The following SPTSSA variants were observed in gnomAD, a reference collection of about 807,000 sequenced individuals.
SPTSSA encodes the protein serine palmitoyltransferase small subunit A.
Under a neutral mutation model 9.1 loss-of-function variants are expected in SPTSSA, and 8 were observed. The ratio of observed to expected loss-of-function variants is 0.88; its 90% CI spans 0.51 to 1.58. The LOEUF (loss-of-function observed/expected upper bound fraction) is 1.58, where lower values mean the gene tolerates loss of function less well. Among genes scored for constraint, SPTSSA ranks in the 40% most tolerant of loss-of-function variants. The pLI, the probability that SPTSSA is intolerant of heterozygous loss-of-function variation, is 0.00. For missense variants in SPTSSA, 100 were observed against 93.8 expected, an observed-to-expected ratio of 1.07 and a Z score of -0.27; for synonymous variants, 42 against 37.7, an observed-to-expected ratio of 1.11 and a Z score of -0.41.
intron 1 of SPTSSA, among the ~76,000 whole-genome samples, chr14:34,435,839 A>C (rs1245858039): frequency 1.3e-5 from 2 of 151,928 alleles, no homozygotes; most frequent in Non-Finnish European, 2.9e-5. Flanking sequence ...CATGTTGGCC[A>C]GGCTGGTCTC....
chr14:34,435,627 T>TC (rs1281804587), intron 1 of SPTSSA, among the ~76,000 whole-genome samples: 1 of 143,954 alleles, frequency 6.9e-6, no homozygotes, highest in African/African-American at 2.6e-5. Flanking sequence ...GTTTCTCTTT[T>TC]TTTTTTTTTT....
chr14:34,435,384 G>A (rs1019946877), intron 1 of SPTSSA, 80 bp from the exon 2 acceptor site: 1 of 959,600 alleles, frequency 1.0e-6, no homozygotes, highest in Non-Finnish European at 1.6e-6. Flanking sequence ...ACTCTTTTAT[G>A]CTGAAGTACC....
chr14:34,450,968 A>G (rs1883509701), intron 1 of SPTSSA, among the ~76,000 whole-genome samples: 2 of 152,100 alleles, frequency 1.3e-5, no homozygotes, highest in Admixed American at 1.3e-4. Flanking sequence ...TTTCTTTAAG[A>G]GGAATCTCCT....
At chr14:34,453,410 G>A (rs1172137631) in intron 1 of SPTSSA, among the ~76,000 whole-genome samples, 1 of 152,244 alleles carries the variant, frequency 6.6e-6, no homozygotes, top group Non-Finnish European at 1.5e-5. Context: ...CTCAGCCAAT[G>A]TGGCAGGTGG....
intron 1 of SPTSSA, among the ~76,000 whole-genome samples, chr14:34,444,202 A>G (rs1227112270): frequency 6.6e-6 from 1 of 152,284 alleles, no homozygotes; most frequent in African/African-American, 2.4e-5. Flanking sequence ...TTTGGGAAAT[A>G]AAGACAGTTT....
intron 1 of SPTSSA, among the ~76,000 whole-genome samples, chr14:34,445,112 A>C (rs1302298454): frequency 6.6e-6 from 1 of 152,062 alleles, no homozygotes; most frequent in Non-Finnish European, 1.5e-5. Context: ...TAAAAAGACT[A>C]CTAAAAACAG....
chr14:34,450,515 T>C (rs1180239092), intron 1 of SPTSSA, among the ~76,000 whole-genome samples: 1 of 152,254 alleles, frequency 6.6e-6, no homozygotes, highest in African/African-American at 2.4e-5. Flanking sequence ...TTTACCGAAC[T>C]CTTCTTGTTG....
At chr14:34,456,991 A>G (rs939564473) in intron 1 of SPTSSA, among the ~76,000 whole-genome samples, 4 of 149,222 alleles carry the variant, frequency 2.7e-5, no homozygotes, top group African/African-American at 9.8e-5. Context: ...TATTATTATT[A>G]TTTTGAGACG....
At chr14:34,444,548 T>C (rs928232921) in intron 1 of SPTSSA, among the ~76,000 whole-genome samples, 1 of 151,904 alleles carries the variant, frequency 6.6e-6, no homozygotes, top group African/African-American at 2.4e-5. Flanking sequence ...GGTCAACAGT[T>C]CAAGACCATC....
intron 1 of SPTSSA, among the ~76,000 whole-genome samples, chr14:34,455,382 C>G (rs1358465701): frequency 1.3e-5 from 2 of 150,588 alleles, no homozygotes; most frequent in African/African-American, 4.9e-5. Flanking sequence ...GCGAAACTGT[C>G]TCAAAAAAAG....
chr14:34,453,128 G>A (rs1883557220), intron 1 of SPTSSA, among the ~76,000 whole-genome samples: 1 of 152,176 alleles, frequency 6.6e-6, no homozygotes, highest in South Asian at 2.1e-4. Flanking sequence ...TAAGGCTCCA[G>A]TCAAAAGTAG....
At chr14:34,444,703 G>A (rs1883390048) in intron 1 of SPTSSA, among the ~76,000 whole-genome samples, 1 of 150,814 alleles carries the variant, frequency 6.6e-6, no homozygotes, top group Non-Finnish European at 1.5e-5. Flanking sequence ...AGTGAGTCGA[G>A]ATCGCACCAT....
intron 1 of SPTSSA, among the ~76,000 whole-genome samples, chr14:34,454,948 G>T (rs958842013): frequency 3.3e-5 from 5 of 152,080 alleles, no homozygotes; most frequent in African/African-American, 9.7e-5. Context: ...TCAGCCGGGT[G>T]TGGTGGCAGG....
At chr14:34,442,280 G>A (rs184172932) in intron 1 of SPTSSA, among the ~76,000 whole-genome samples, 187 of 152,290 alleles carry the variant, frequency 1.2e-3, no homozygotes, top group African/African-American at 4.2e-3. Flanking sequence ...TTTTTCAGGG[G>A]AATTAAATCT....
intron 1 of SPTSSA, among the ~76,000 whole-genome samples, chr14:34,458,860 A>G (rs796932144): frequency 5.3e-5 from 8 of 151,682 alleles, no homozygotes; most frequent in African/African-American, 1.9e-4. Context: ...ATGCCCCTGG[A>G]AAGTACAGTG....
chr14:34,441,653 G>A (rs529853105), intron 1 of SPTSSA, among the ~76,000 whole-genome samples: 4 of 151,670 alleles, frequency 2.6e-5, no homozygotes, highest in Admixed American at 6.6e-5. Context: ...GCTCCATACA[G>A]GGGACTCTCT....
chr14:34,448,469 G>A (rs180868713), intron 1 of SPTSSA, among the ~76,000 whole-genome samples: 22 of 152,232 alleles, frequency 1.4e-4, no homozygotes, highest in African/African-American at 4.3e-4. Flanking sequence ...ACATCAGGCC[G>A]ATTCACACTT....
intron 1 of SPTSSA, among the ~76,000 whole-genome samples, chr14:34,457,843 C>T (rs549848964): frequency 6.6e-6 from 1 of 151,668 alleles, no homozygotes; most frequent in South Asian, 2.1e-4. Flanking sequence ...CATGGTGGCA[C>T]GGCCTGTAGT....
At chr14:34,457,990 A>AAG in intron 1 of SPTSSA, among the ~76,000 whole-genome samples, 1 of 109,996 alleles carries the variant, frequency 9.1e-6, no homozygotes, top group East Asian at 3.2e-4. Flanking sequence ...AAAAAAAAAA[A>AAG]CAAAGAAAAG....
Sources: gnomAD v4.1 joint callset for allele counts (sites outside exome capture counted in the v4.1 genomes callset) on GRCh38, gnomAD v4.1.1 for gene constraint, MANE v1.5 for transcripts, NCBI Gene and HGNC (gene_info 2026-07-23, HGNC 2026-07-21) for gene names.